ASH1L: variants seen among roughly 807,000 people sequenced by gnomAD.
The protein encoded by ASH1L is ASH1 like histone lysine methyltransferase.
Under a neutral mutation model 269.0 loss-of-function variants are expected in ASH1L, and 23 were observed. That is an observed-to-expected ratio of 0.09 (90% CI 0.06 to 0.12). ASH1L has a LOEUF of 0.12. ASH1L is among the 10% of genes least tolerant of loss of function. The pLI is 1.00. For synonymous variants in ASH1L, 1,187 were observed against 1,253.5 expected (o/e 0.95, Z 1.12); for missense variants, 2,912 against 3,567.8 (o/e 0.82, Z 4.68).
At chr1:155,546,135 G>A (rs1224185918) in intron 1 of ASH1L, among the ~76,000 whole-genome samples, 4 of 133,588 alleles carry the variant, frequency 3.0e-5, no homozygotes, top group Non-Finnish European at 6.2e-5. Flanking sequence ...GCCAGCTTGG[G>A]CAATAACACG....
At position 155,524,314 on chromosome 1, in the gene ASH1L, G is replaced by A. The variant is rs147826757; in HGVS notation, c.-99-2696C>T. On this transcript the variant is annotated intron_variant, in intron 1 of 27. Transcript: ENST00000392403. ...GACGGGGCGGATCAGGAGGTCAGGAGATCGAGACCATCCTAGCTAACTCGG... is the reference window on the plus strand; with the variant it reads ...GACGGGGCGGATCAGGAGGTCAGGAAATCGAGACCATCCTAGCTAACTCGG... 9.5e-4 allele frequency among the ~76,000 whole-genome samples: 145 copies of A among 152,062 alleles called. 1 individual carries two copies. The highest frequency in any genetic ancestry group is 3.3e-3 in the African/African-American group (138 of 41,462).
intron 1 of ASH1L, among the ~76,000 whole-genome samples, chr1:155,541,424 T>A (rs189864259): frequency 5.3e-5 from 8 of 152,166 alleles, no homozygotes; most frequent in South Asian, 2.1e-4. Context: ...GAGTAACCCA[T>A]GCCCTAATTA....
At chr1:155,498,933 A>AG (rs1377170856) in intron 2 of ASH1L, among the ~76,000 whole-genome samples, 1 of 151,670 alleles carries the variant, frequency 6.6e-6, no homozygotes, top group African/African-American at 2.4e-5. Context: ...AAAAAAAAAA[A>AG]AGCCAAAAAG....
At chr1:155,530,263 T>A (rs149953992) in intron 1 of ASH1L, among the ~76,000 whole-genome samples, 2 of 152,242 alleles carry the variant, frequency 1.3e-5, no homozygotes, top group African/African-American at 4.8e-5. Flanking sequence ...ATTTGTTGTG[T>A]ACATCTTTCC....
Position 155,439,456 on chromosome 1 carries a change from G to A in ASH1L, c.5087-388C>T, listed in dbSNP as rs139907091. On this transcript the variant is annotated intron_variant, in intron 4 of 27. Transcript: ENST00000392403. ...CTCATGTCTGTAATCCCAGTATTCTGGGAGGCCAAGGCAGGAGGAATGCCT... is the reference window on the plus strand; with the variant it reads ...CTCATGTCTGTAATCCCAGTATTCTAGGAGGCCAAGGCAGGAGGAATGCCT... Among the ~76,000 whole-genome samples the A allele has an allele frequency of 6.0e-3, 915 of 152,256 alleles. 8 individuals are homozygous for A. Among genetic ancestry groups the A allele is most frequent in the African/African-American group, 0.021 (861 of 41,544 alleles).
In ASH1L at chr1:155,390,639, C is replaced by G. The variant is rs554585044; in HGVS notation, c.6103+4820G>C. Among the ~76,000 whole-genome samples, 103 of 136,374 alleles carry G rather than the reference C, an allele frequency of 7.6e-4. 1 individual carries two copies. The highest frequency in any genetic ancestry group is 3.8e-3 in the Middle Eastern group (1 of 266). The allele number at this position is 136,374 out of a possible 152,430, so 89.5% of individuals were successfully genotyped here. A position where few individuals can be genotyped will look rare whatever the true frequency, so the allele number is the denominator to read the frequency against. On this transcript the variant is annotated intron_variant, in intron 7 of 27. Coordinates refer to ENST00000392403, the MANE Select transcript of ASH1L (RefSeq NM_018489.3). The stretch of plus-strand genomic sequence containing the variant: ...CTGTAGTTAATATCATTCTCCCCCC[C>G]CCCCCTTTTTTCTTTCTTTTTTTTG...
intron 1 of ASH1L, among the ~76,000 whole-genome samples, chr1:155,532,822 C>CAA (rs532961658): frequency 7.4e-5 from 5 of 67,990 alleles, no homozygotes; most frequent in African/African-American, 2.2e-4. Flanking sequence ...GACTCTGTCT[C>CAA]AAAAAAAAAA....
chr1:155,512,820 G>A (rs929325841), intron 2 of ASH1L, among the ~76,000 whole-genome samples: 3 of 151,850 alleles, frequency 2.0e-5, no homozygotes, highest in African/African-American at 7.3e-5. Flanking sequence ...AGCACTTTGG[G>A]GGGCTGAGAT....
intron 4 of ASH1L, among the ~76,000 whole-genome samples, chr1:155,442,695 T>G (rs1662699464): frequency 6.6e-6 from 1 of 151,924 alleles, no homozygotes; most frequent in South Asian, 2.1e-4. Context: ...AACTTCAAAA[T>G]TATTATTACC....
In ASH1L at chr1:155,521,276, C is replaced by T. The variant is rs1571052988; in HGVS notation, c.244G>A (p.Glu82Lys). 1 of 1,614,182 alleles carries T rather than the reference C, an allele frequency of 6.2e-7. No individual in the cohort carries two copies. Residue 82 changes from glutamate to lysine, a missense_variant, in exon 2 of 28, where the codon GAG becomes AAG. Glu to Lys is a moderately conservative substitution (Grantham distance 56, BLOSUM62 1). This residue lies in a region of ASH1L where 115 missense variants were observed against 101.5 expected (regional missense o/e 1.13). Transcript: ENST00000392403. ...CCAATTTTCAATTTTAAATTTCCCT[C>T]TGAAAAGTTTGTTTCTTTCACTGAA... is the stretch of plus-strand genomic sequence containing the variant. ...QFSVKETNFS[E>K]GNLKLKIGLQ...
At chr1:155,463,145 G>T (rs1664427078) in intron 3 of ASH1L, among the ~76,000 whole-genome samples, 2 of 152,262 alleles carry the variant, frequency 1.3e-5, no homozygotes, top group East Asian at 1.9e-4. Context: ...CTTCCAGAAA[G>T]AACCAGATAA....
chr1:155,488,291 G>A (rs984288835), intron 2 of ASH1L, among the ~76,000 whole-genome samples: 1 of 151,998 alleles, frequency 6.6e-6, no homozygotes, highest in Non-Finnish European at 1.5e-5. Flanking sequence ...AAGGCACACA[G>A]ATAATTTGAT....
intron 4 of ASH1L, among the ~76,000 whole-genome samples, chr1:155,441,386 G>C (rs1329330306): frequency 1.3e-5 from 2 of 149,422 alleles, no homozygotes; most frequent in African/African-American, 4.9e-5. Context: ...TGGCATACTG[G>C]CCAACAGATC....
At chr1:155,542,124 GA>G (rs1387729821) in intron 1 of ASH1L, among the ~76,000 whole-genome samples, 2 of 148,562 alleles carry the variant, frequency 1.3e-5, no homozygotes, top group Non-Finnish European at 3.1e-5. Context: ...AAAAGAGGGG[GA>G]GGGGGATAGG....
In ASH1L at chr1:155,479,581, C is replaced by T. The variant is rs1665810368; in HGVS notation, c.3289G>A (p.Ala1097Thr). Residue 1097 changes from alanine to threonine, a missense_variant, in exon 3 of 28, where the codon GCT becomes ACT. By Grantham distance (58) the Ala-to-Thr change is moderately conservative. Coordinates refer to ENST00000392403, the MANE Select transcript of ASH1L (RefSeq NM_018489.3). ...GATGGAAGAATCTCAGAACTACTAGCAGATGAAGGCAGTAATGGGGGAAGA... is the reference window on the plus strand; with the variant it reads ...GATGGAAGAATCTCAGAACTACTAGTAGATGAAGGCAGTAATGGGGGAAGA... ...QILPPLLPSSASSSEILPSPI... is the reference protein window; with the variant it reads ...QILPPLLPSSTSSSEILPSPI... The T allele has an allele frequency of 1.2e-6, 2 of 1,614,072 alleles. No individual in the cohort carries two copies. The highest frequency in any genetic ancestry group is 1.1e-5 in the South Asian group (1 of 91,088).
At chr1:155,439,452 T>C (rs965329783) in intron 4 of ASH1L, among the ~76,000 whole-genome samples, 1 of 152,080 alleles carries the variant, frequency 6.6e-6, no homozygotes, top group Non-Finnish European at 1.5e-5. Context: ...AATCCCAGTA[T>C]TCTGGGAGGC....
Position 155,349,357 on chromosome 1 carries a change from A to G in ASH1L, c.7524T>C (p.Ala2508=). ...GYYKTVEAFD[A]DMLKVFRNAE... is the part of the protein sequence containing the mutation. ...CATTCCGAAAGACTTTGAGCATGTC[A>G]GCATCAAAAGCTTCCACTGTCTTAT... Residue 2508 remains alanine, a synonymous_variant, in exon 19 of 28, where the codon GCT becomes GCC. Coordinates refer to ENST00000392403, the MANE Select transcript of ASH1L (RefSeq NM_018489.3). 1 of 1,613,946 alleles carries G rather than the reference A, an allele frequency of 6.2e-7. No homozygotes were observed. Among genetic ancestry groups the G allele is most frequent in the Non-Finnish European group, 8.5e-7 (1 of 1,179,852 alleles).
chr1:155,492,146 C>T (rs1226343799), intron 2 of ASH1L, among the ~76,000 whole-genome samples: 1 of 151,178 alleles, frequency 6.6e-6, no homozygotes, highest in African/African-American at 2.4e-5. Context: ...AGTGATTCTC[C>T]TGCCTCAGCC....
intron 4 of ASH1L, among the ~76,000 whole-genome samples, chr1:155,443,064 G>A (rs1305569166): frequency 6.6e-6 from 1 of 152,106 alleles, no homozygotes; most frequent in African/African-American, 2.4e-5. Context: ...GTCCATTAAC[G>A]CGGTGACTAT....
Sources: gnomAD v4.1 joint callset for allele counts (sites outside exome capture counted in the v4.1 genomes callset) on GRCh38, gnomAD v4.1.1 for gene constraint, gnomAD v4.1.1 regional missense constraint, MANE v1.5 for transcripts, NCBI Gene and HGNC (gene_info 2026-07-23, HGNC 2026-07-21) for gene names.